Variants in FANCL observed in about 807,000 individuals in gnomAD.
The protein encoded by FANCL is FA complementation group L.
Under a neutral mutation model 59.4 loss-of-function variants are expected in FANCL, and 69 were observed. The ratio of observed to expected loss-of-function variants is 1.16; its 90% CI spans 0.96 to 1.42. FANCL has a LOEUF of 1.42. Ranked by LOEUF, FANCL falls within the 40% of genes most tolerant of loss-of-function variation. FANCL has a pLI of 0.00. For missense variants in FANCL, 519 were observed against 447.2 expected (o/e 1.16, Z -1.45); for synonymous variants, 180 against 147.1 (o/e 1.22, Z -1.62).
intron 6 of FANCL, among the ~76,000 whole-genome samples, chr2:58,200,233 C>T (rs12476829): frequency 0.086 from 13,100 of 151,936 alleles, 586 homozygotes; most frequent in African/African-American, 0.089. Context: ...ATTTGTATGC[C>T]ATATTTAAAA....
intron 7 of FANCL, among the ~76,000 whole-genome samples, chr2:58,171,587 C>A (rs1360804797): frequency 1.3e-5 from 2 of 152,086 alleles, no homozygotes; most frequent in African/African-American, 2.4e-5. Context: ...AACCCAGGAG[C>A]TGGTTTTTTG....
Position 58,212,408 on chromosome 2 carries a change from T to C in FANCL, c.375-8182A>G, listed in dbSNP as rs184216540. On this transcript the variant is annotated intron_variant, in intron 5 of 13. Transcript: ENST00000233741. ...GTGGGAGTACAACTCAAGATGAGATTTGGGTGGGGACACAGGGGATACAGA... is the reference window on the plus strand; with the variant it reads ...GTGGGAGTACAACTCAAGATGAGATCTGGGTGGGGACACAGGGGATACAGA... Among the ~76,000 whole-genome samples, 12 of 152,232 alleles carry C rather than the reference T, an allele frequency of 7.9e-5. No individual in the cohort carries two copies. The East Asian group carries it at 1.7e-3, about 22-fold the overall frequency.
intron 6 of FANCL, among the ~76,000 whole-genome samples, chr2:58,198,986 G>A (rs1204015190): frequency 1.4e-5 from 2 of 144,468 alleles, no homozygotes; most frequent in East Asian, 2.0e-4. Context: ...CCGAGACTGC[G>A]CCACTGCACT....
chr2:58,198,893 G>A (rs1440137944), intron 6 of FANCL, among the ~76,000 whole-genome samples: 1 of 152,046 alleles, frequency 6.6e-6, no homozygotes, highest in African/African-American at 2.4e-5. Context: ...GCCAGGCATT[G>A]TGGTGGGCGC....
chr2:58,230,751 A>G (rs1443134901), intron 2 of FANCL, among the ~76,000 whole-genome samples: 1 of 152,176 alleles, frequency 6.6e-6, no homozygotes, highest in South Asian at 2.1e-4. Context: ...ACCCCTGCTC[A>G]AAATGTGCTT....
intron 5 of FANCL, among the ~76,000 whole-genome samples, chr2:58,214,767 C>T (rs920719001): frequency 2.6e-5 from 4 of 152,104 alleles, no homozygotes; most frequent in Admixed American, 2.0e-4. Flanking sequence ...CCCACCTCAG[C>T]CCCCCAAAGT....
chr2:58,163,233 T>C (rs957555439), intron 9 of FANCL, 159 bp from the exon 10 acceptor site: 31 of 755,404 alleles, frequency 4.1e-5, no homozygotes, highest in African/African-American at 3.9e-4. Flanking sequence ...TGCTGAGACA[T>C]TGTCATTTAA....
chr2:58,174,447 C>T (rs922045081), intron 7 of FANCL, among the ~76,000 whole-genome samples: 4 of 152,136 alleles, frequency 2.6e-5, no homozygotes, highest in Non-Finnish European at 5.9e-5. Context: ...TCTCTCAGAC[C>T]ACAGTGCAAT....
intron 7 of FANCL, among the ~76,000 whole-genome samples, chr2:58,168,912 G>A (rs1368425039): frequency 6.6e-6 from 1 of 152,110 alleles, no homozygotes; most frequent in Non-Finnish European, 1.5e-5. Flanking sequence ...CCTCCTCTCT[G>A]GGCAGGGCAC....
intron 2 of FANCL, 150 bp from the exon 3 acceptor site, chr2:58,230,024 G>C: frequency 3.2e-6 from 2 of 633,990 alleles, no homozygotes; most frequent in Non-Finnish European, 5.7e-6. Context: ...ACTGTTCAAA[G>C]TCTTGTCTTC....
chr2:58,202,520 GTTTTT>G (rs935437096), intron 6 of FANCL, among the ~76,000 whole-genome samples: 1 of 148,006 alleles, frequency 6.8e-6, no homozygotes, highest in Non-Finnish European at 1.5e-5. Context: ...TTCCAAAACA[GTTTTT>G]TTTTTCTTTT....
intron 12 of FANCL, among the ~76,000 whole-genome samples, chr2:58,160,394 T>C (rs1684967769): frequency 6.6e-6 from 1 of 152,028 alleles, no homozygotes; most frequent in Non-Finnish European, 1.5e-5. Context: ...ATTGAAGGCC[T>C]AAACCACTGG....
intron 7 of FANCL, among the ~76,000 whole-genome samples, chr2:58,176,882 C>G (rs1687379874): frequency 6.6e-6 from 1 of 152,090 alleles, no homozygotes; most frequent in African/African-American, 2.4e-5. Flanking sequence ...ACCTACTCAT[C>G]TGACAAAGGG....
intron 1 of FANCL, among the ~76,000 whole-genome samples, chr2:58,238,754 G>T (rs1694249561): frequency 6.6e-6 from 1 of 151,836 alleles, no homozygotes; most frequent in Admixed American, 6.6e-5. Context: ...AACCAAAAAG[G>T]ACCTTCCACG....
At chr2:58,225,837 A>G (rs971890716) in intron 4 of FANCL, among the ~76,000 whole-genome samples, 5 of 152,098 alleles carry the variant, frequency 3.3e-5, no homozygotes, top group African/African-American at 1.2e-4. Context: ...AGGGTGAGGT[A>G]AAGAGGAGAG....
Position 58,198,682 on chromosome 2 carries a change from T to G in FANCL, c.472-20A>C. The G allele has an allele frequency of 6.3e-7, 1 of 1,592,338 alleles. No individual in the cohort carries two copies. The highest frequency in any genetic ancestry group is 8.6e-7 in the Non-Finnish European group (1 of 1,160,408). Reference sequence around the variant, plus strand: ...AGGATACTATTAAAAAAGCATAACATTAGACCATTTTTGCTTCTGTGTGTT... The same window carrying G: ...AGGATACTATTAAAAAAGCATAACAGTAGACCATTTTTGCTTCTGTGTGTT... On this transcript the variant is annotated intron_variant, in intron 6 of 13. Transcript: ENST00000233741.
rs558685335 is a variant in FANCL at position 58,199,175 on chromosome 2, G to A, written c.472-513C>T. Among the ~76,000 whole-genome samples, 17 of 152,304 alleles carry A rather than the reference G, an allele frequency of 1.1e-4. No homozygotes were observed. The South Asian group carries it at 3.5e-3, about 32-fold the overall frequency. On this transcript the variant is annotated intron_variant, in intron 6 of 13. Coordinates refer to ENST00000233741, the MANE Select transcript of FANCL (RefSeq NM_018062.4). ...AGTCAACCTATGGAGGTGCAAGTTT[G>A]GTGATTTGGAAGTGCCAAAGCAATC... is the stretch of plus-strand genomic sequence containing the variant.
intron 5 of FANCL, among the ~76,000 whole-genome samples, chr2:58,219,511 T>G (rs1692260249): frequency 6.6e-6 from 1 of 151,376 alleles, no homozygotes; most frequent in Admixed American, 6.6e-5. Context: ...GAGTAAAGTG[T>G]GGAGAGAGAG....
In FANCL at chr2:58,231,411, GA is replaced by G. The variant is rs1020110797; in HGVS notation, c.155+642del. On this transcript the variant is annotated intron_variant, in intron 2 of 13. Coordinates refer to ENST00000233741, the MANE Select transcript of FANCL (RefSeq NM_018062.4). ...ATCTCTCTTCTACTTTTCCATCTGT[GA>G]CCTCTTCTCTAGCTTAGAGATCTGA... 6.2e-4 allele frequency among the ~76,000 whole-genome samples: 94 copies of G among 152,144 alleles called. 1 individual carries two copies. The highest frequency in any genetic ancestry group is 2.0e-3 in the African/African-American group (85 of 41,480).
Sources: gnomAD v4.1 joint callset for allele counts (sites outside exome capture counted in the v4.1 genomes callset) on GRCh38, gnomAD v4.1.1 for gene constraint, MANE v1.5 for transcripts, NCBI Gene and HGNC (gene_info 2026-07-23, HGNC 2026-07-21) for gene names.